Variants in AFG2A observed in about 807,000 individuals in gnomAD.
AFG2A encodes the protein AAA ATPase AFG2A.
chr4:122,938,766 T>A, the AFG2A span, among the ~76,000 whole-genome samples: 13 of 151,836 alleles, frequency 8.6e-5, no homozygotes, highest in African/African-American at 2.7e-4. Flanking sequence ...AATTTTTTTT[T>A]AAATCTTCTT....
At chr4:122,928,364 T>C in the AFG2A span, among the ~76,000 whole-genome samples, 1 of 152,212 alleles carries the variant, frequency 6.6e-6, no homozygotes, top group Non-Finnish European at 1.5e-5. Context: ...GGCTTTCTTT[T>C]CTGCTACCAG....
chr4:123,283,777 C>T, the AFG2A span, among the ~76,000 whole-genome samples: 1 of 152,138 alleles, frequency 6.6e-6, no homozygotes, highest in Non-Finnish European at 1.5e-5. Flanking sequence ...CATTCATTTA[C>T]GTATTGCCCA....
the AFG2A span, chr4:123,315,258 A>C: frequency 6.7e-6 from 1 of 149,836 alleles, no homozygotes; most frequent in African/African-American, 2.5e-5. Context: ...ATCTAGGCTC[A>C]CTGCAAGCTC....
the AFG2A span, among the ~76,000 whole-genome samples, chr4:123,199,302 G>A: frequency 6.6e-6 from 1 of 151,972 alleles, no homozygotes; most frequent in South Asian, 2.1e-4. Flanking sequence ...ATTACATTAT[G>A]CAAAATGATT....
the AFG2A span, among the ~76,000 whole-genome samples, chr4:123,037,485 G>C: frequency 6.6e-6 from 1 of 151,974 alleles, no homozygotes; most frequent in Non-Finnish European, 1.5e-5. Context: ...TGCTATCTAG[G>C]AGGTAAAATA....
At chr4:123,088,714 G>A in the AFG2A span, among the ~76,000 whole-genome samples, 3 of 151,854 alleles carry the variant, frequency 2.0e-5, no homozygotes, top group Admixed American at 6.6e-5. Flanking sequence ...TTCCCCCTTC[G>A]TGCTCTCTCT....
At chr4:123,120,548 G>A in the AFG2A span, among the ~76,000 whole-genome samples, 1 of 152,260 alleles carries the variant, frequency 6.6e-6, no homozygotes, top group East Asian at 1.9e-4. Flanking sequence ...GGTTGTTACT[G>A]CAGTCACATT....
the AFG2A span, among the ~76,000 whole-genome samples, chr4:123,085,987 C>T: frequency 1.3e-5 from 2 of 152,114 alleles, no homozygotes; most frequent in East Asian, 3.9e-4. Context: ...CTAAGTTATC[C>T]TTCTCATGTC....
the AFG2A span, among the ~76,000 whole-genome samples, chr4:123,190,839 G>A: frequency 6.6e-6 from 1 of 152,118 alleles, no homozygotes; most frequent in South Asian, 2.1e-4. Flanking sequence ...CACTGCCTCA[G>A]GTTTCATCAA....
the AFG2A span, among the ~76,000 whole-genome samples, chr4:123,039,772 TAATC>T: frequency 6.6e-6 from 1 of 151,898 alleles, no homozygotes; most frequent in Non-Finnish European, 1.5e-5. Context: ...AGAATGATCT[TAATC>T]AGTGGGAAAA....
chr4:122,955,014 C>A, the AFG2A span, among the ~76,000 whole-genome samples: 1 of 152,112 alleles, frequency 6.6e-6, no homozygotes, highest in African/African-American at 2.4e-5. Context: ...AAATTTTTCT[C>A]CACCTTCCTG....
chr4:123,093,357 G>A, the AFG2A span, among the ~76,000 whole-genome samples: 2 of 152,194 alleles, frequency 1.3e-5, no homozygotes, highest in Admixed American at 6.5e-5. Flanking sequence ...TTGATTCTAT[G>A]AAAGGGTAAC....
chr4:123,182,707 A>T, the AFG2A span, among the ~76,000 whole-genome samples: 2 of 152,262 alleles, frequency 1.3e-5, no homozygotes, highest in Middle Eastern at 3.4e-3. Context: ...TGGGGACTGG[A>T]TAGGTTCTGT....
At chr4:123,129,032 A>C in the AFG2A span, among the ~76,000 whole-genome samples, 1 of 152,156 alleles carries the variant, frequency 6.6e-6, no homozygotes, top group Non-Finnish European at 1.5e-5. Flanking sequence ...TCCTTTGTTA[A>C]AGTATTTGCT....
the AFG2A span, among the ~76,000 whole-genome samples, chr4:122,937,817 A>T: frequency 2.0e-5 from 3 of 152,138 alleles, no homozygotes; most frequent in Non-Finnish European, 4.4e-5. Context: ...TTCTGAATTG[A>T]TCCAGTCATA....
At chr4:123,263,020 T>G in the AFG2A span, among the ~76,000 whole-genome samples, 1 of 152,166 alleles carries the variant, frequency 6.6e-6, no homozygotes, top group Non-Finnish European at 1.5e-5. Flanking sequence ...AGAAAGAGTC[T>G]TCATGTAGAA....
chr4:123,143,432 G>A, the AFG2A span, among the ~76,000 whole-genome samples: 1 of 151,968 alleles, frequency 6.6e-6, no homozygotes, highest in African/African-American at 2.4e-5. Context: ...TATCACATCT[G>A]TGCCTTTCTT....
the AFG2A span, among the ~76,000 whole-genome samples, chr4:123,084,901 G>A: frequency 5.9e-5 from 9 of 152,048 alleles, no homozygotes; most frequent in East Asian, 3.8e-4. Context: ...AAAGTTCTGC[G>A]ATTACAGGCG....
At chr4:123,004,468 T>C in the AFG2A span, among the ~76,000 whole-genome samples, 2 of 152,232 alleles carry the variant, frequency 1.3e-5, no homozygotes, top group South Asian at 2.1e-4. Context: ...CCCACTATTT[T>C]GAATGTTTTC....
Sources: gnomAD v4.1 joint callset for allele counts (sites outside exome capture counted in the v4.1 genomes callset) on GRCh38, gnomAD v4.1.1 for gene constraint, MANE v1.5 for transcripts, NCBI Gene and HGNC (gene_info 2026-07-23, HGNC 2026-07-21) for gene names.